AKAIN1: variants seen among roughly 807,000 people sequenced by gnomAD.
The protein encoded by AKAIN1 is A-kinase anchor inhibitor 1, also known as A-kinase anchor protein inhibitor 1.
In AKAIN1, 3 loss-of-function variants were observed where a neutral mutation model predicts 3.7. The ratio of observed to expected loss-of-function variants is 0.82; its 90% CI spans 0.37 to 2.12. The LOEUF (loss-of-function observed/expected upper bound fraction) is 2.12, where lower values mean the gene tolerates loss of function less well. Among genes scored for constraint, AKAIN1 ranks in the 30% most tolerant of loss-of-function variants. The pLI is 0.06. For synonymous variants in AKAIN1, 31 were observed against 30.8 expected (o/e 1.01, Z -0.02); for missense variants, 82 against 82.7 (o/e 0.99, Z 0.03).
intron 1 of AKAIN1, among the ~76,000 whole-genome samples, chr18:5,192,639 A>G (rs959001729): frequency 1.3e-5 from 2 of 151,972 alleles, no homozygotes; most frequent in Non-Finnish European, 2.9e-5. Context: ...TGAGAAATAA[A>G]TTTCTATGAT....
rs145516144 is a variant in AKAIN1, at chr18:5,190,060, G to A, written c.16+6978C>T. 3.3e-5 allele frequency among the ~76,000 whole-genome samples: 5 copies of A among 152,214 alleles called. No homozygotes were observed. In the East Asian group the frequency reaches 9.7e-4, roughly 29 times the overall value. On this transcript the variant is annotated intron_variant, in intron 1 of 1. Transcript: ENST00000434239. ...GTCCAAGAGTATGGTGTTCATATTTGGCAAGGGTCACCCCATGGTGGAAGG... is the reference window on the plus strand; with the variant it reads ...GTCCAAGAGTATGGTGTTCATATTTAGCAAGGGTCACCCCATGGTGGAAGG...
intron 1 of AKAIN1, among the ~76,000 whole-genome samples, chr18:5,192,441 C>CTTTCTTTCTTTCTTTCTT (rs1567881057): frequency 9.9e-6 from 1 of 101,430 alleles, no homozygotes; most frequent in Non-Finnish European, 2.1e-5. Flanking sequence ...TTCTTTCTTT[C>CTTTCTTTCTTTCTTTCTT]TTTCTTTTTC....
intron 1 of AKAIN1, among the ~76,000 whole-genome samples, chr18:5,182,264 A>T (rs1445402399): frequency 6.6e-6 from 1 of 152,156 alleles, no homozygotes; most frequent in African/African-American, 2.4e-5. Flanking sequence ...TCAACTCTTT[A>T]GCTCCTAACT....
chr18:5,182,011 G>T (rs1474427598), intron 1 of AKAIN1, among the ~76,000 whole-genome samples: 3 of 152,040 alleles, frequency 2.0e-5, no homozygotes, highest in East Asian at 1.9e-4. Context: ...AACGTATTCA[G>T]CTTTTAAATA....
chr18:5,175,453 C>T (rs559594598), intron 1 of AKAIN1, among the ~76,000 whole-genome samples: 31 of 152,140 alleles, frequency 2.0e-4, no homozygotes, highest in East Asian at 7.7e-4. Flanking sequence ...TTCTTTCTTG[C>T]TCTTGTTACT....
At chr18:5,196,820 C>A (rs2071350504) in intron 1 of AKAIN1, among the ~76,000 whole-genome samples, 1 of 152,056 alleles carries the variant, frequency 6.6e-6, no homozygotes, top group African/African-American at 2.4e-5. Context: ...GGGACGAGGG[C>A]GAGGAAGGGC....
chr18:5,155,019 G>A (rs1196060234), intron 1 of AKAIN1, among the ~76,000 whole-genome samples: 1 of 152,056 alleles, frequency 6.6e-6, no homozygotes, highest in East Asian at 2.0e-4. Flanking sequence ...TTAACCCTTA[G>A]GGAAGAAAGC....
intron 1 of AKAIN1, among the ~76,000 whole-genome samples, chr18:5,184,148 AT>A (rs946622930): frequency 6.6e-6 from 1 of 152,026 alleles, no homozygotes; most frequent in African/African-American, 2.4e-5. Context: ...AGGTGGCTCA[AT>A]TTTTTTGCCA....
intron 1 of AKAIN1, among the ~76,000 whole-genome samples, chr18:5,186,564 T>A (rs2071288745): frequency 6.6e-6 from 1 of 151,980 alleles, no homozygotes; most frequent in South Asian, 2.1e-4. Context: ...TAAACCAAAA[T>A]GAGGAATGGA....
intron 1 of AKAIN1, among the ~76,000 whole-genome samples, chr18:5,157,688 A>C (rs1038135188): frequency 6.6e-6 from 1 of 152,130 alleles, no homozygotes; most frequent in African/African-American, 2.4e-5. Flanking sequence ...ATTTTGACTT[A>C]GAAACTTTTT....
intron 1 of AKAIN1, among the ~76,000 whole-genome samples, chr18:5,165,429 T>A (rs2071162435): frequency 6.6e-6 from 1 of 151,956 alleles, no homozygotes; most frequent in African/African-American, 2.4e-5. Flanking sequence ...ACTCATCTCC[T>A]CCTTGTAATT....
intron 1 of AKAIN1, among the ~76,000 whole-genome samples, chr18:5,169,963 T>C (rs565981129): frequency 1.3e-5 from 2 of 152,168 alleles, no homozygotes; most frequent in Non-Finnish European, 2.9e-5. Flanking sequence ...TTTTAATAAC[T>C]ATAACCATTT....
intron 1 of AKAIN1, among the ~76,000 whole-genome samples, chr18:5,185,541 T>C (rs539625991): frequency 6.6e-6 from 1 of 151,856 alleles, no homozygotes; most frequent in Admixed American, 6.6e-5. Context: ...GCAAAGGAAG[T>C]GAACAGACAC....
In AKAIN1 at chr18:5,197,133, G is replaced by C; in HGVS notation, c.-80C>G. 6.5e-7 allele frequency: 1 copy of C among 1,544,914 alleles called. No homozygotes were observed. Among genetic ancestry groups the C allele is most frequent in the South Asian group, 1.2e-5 (1 of 83,924 alleles). Reference sequence around the variant, plus strand: ...GGATGGGAAGAAGGCCGGACTTGGCGGGGTCCGGTGCAGGAGGGCGCGCTG... The same window carrying C: ...GGATGGGAAGAAGGCCGGACTTGGCCGGGTCCGGTGCAGGAGGGCGCGCTG... On this transcript the variant is annotated 5_prime_UTR_variant, in exon 1 of 2. Transcript: ENST00000434239. The surrounding 1 kb of genome is among the most constrained non-coding windows in gnomAD (Gnocchi z 6.9).
chr18:5,162,998 T>C (rs766173043), intron 1 of AKAIN1, among the ~76,000 whole-genome samples: 29 of 151,762 alleles, frequency 1.9e-4, no homozygotes, highest in Admixed American at 4.6e-4. Flanking sequence ...TCCAATTCAG[T>C]AGGTTTGGGA....
chr18:5,175,213 A>C (rs1464366411), intron 1 of AKAIN1, among the ~76,000 whole-genome samples: 1 of 152,112 alleles, frequency 6.6e-6, no homozygotes, highest in African/African-American at 2.4e-5. Flanking sequence ...TTGTATACTC[A>C]TAAGGCCTTA....
rs924555473 is a variant in AKAIN1, at chr18:5,145,877, C to T, written c.17-122G>A. 153 of 793,974 alleles carry T rather than the reference C, an allele frequency of 1.9e-4. 2 individuals are homozygous for T. The South Asian group carries it at 2.6e-3, about 13-fold the overall frequency. 49.2% of individuals were successfully genotyped at this position (793,974 alleles called of 1,614,324 possible). On this transcript the variant is annotated intron_variant, in intron 1 of 1. Transcript: ENST00000434239. ...GACTGTAAGAACACACTGGAGTGGA[C>T]CAGTTAACTATGAGAAGCCCACTAG...
intron 1 of AKAIN1, among the ~76,000 whole-genome samples, chr18:5,164,629 C>T (rs1407457899): frequency 6.6e-6 from 1 of 151,978 alleles, no homozygotes; most frequent in Non-Finnish European, 1.5e-5. Context: ...GTCACACAAG[C>T]TGTCCTCAAT....
At chr18:5,197,503 T>TAA, upstream of AKAIN1, 1 of 285,062 alleles carries the variant, frequency 3.5e-6, no homozygotes, top group Non-Finnish European at 4.3e-6. The surrounding 1 kb of genome is among the most constrained non-coding windows in gnomAD (Gnocchi z 6.9). Context: ...GATAGATTTG[T>TAA]CAAAAAAAAA....
Sources: gnomAD v4.1 joint callset for allele counts (sites outside exome capture counted in the v4.1 genomes callset) on GRCh38, gnomAD v4.1.1 for gene constraint, Gnocchi (gnomAD v3.1) non-coding constraint, MANE v1.5 for transcripts, NCBI Gene and HGNC (gene_info 2026-07-23, HGNC 2026-07-21) for gene names.